Variants in UBAC1 observed in about 807,000 individuals in gnomAD.
UBAC1 encodes the protein UBA domain containing 1.
A neutral mutation model predicts 45.9 loss-of-function variants in UBAC1; 27 were observed. That is an observed-to-expected ratio of 0.59 (90% confidence interval 0.43 to 0.81). UBAC1 has a LOEUF of 0.81. Among genes scored for constraint, UBAC1 ranks in the 30% least tolerant of loss-of-function variants. UBAC1 has a pLI of 0.00. For synonymous variants in UBAC1, 227 were observed against 215.5 expected, an observed-to-expected ratio of 1.05 and a Z score of -0.47; for missense variants, 529 against 539.2, an observed-to-expected ratio of 0.98 and a Z score of 0.19.
In UBAC1 at chr9:135,945,057, T is replaced by C; in HGVS notation, c.847A>G (p.Arg283Gly). 6.2e-7 allele frequency: 1 copy of C among 1,613,914 alleles called. No homozygotes were observed. The highest frequency in any genetic ancestry group is 1.3e-5 in the African/African-American group (1 of 75,046). The change falls in exon 7 of 10, where the codon AGG (arginine) becomes GGG (glycine). Residue 283 changes from arginine to glycine, a missense_variant. Physicochemically the swap from Arg to Gly is moderately radical, Grantham distance 125. Transcript: ENST00000371756. ...ELTEIFKKIR[R>G]KREFRADARA... ...GCATCAGCCCGAAACTCCCTTTTCCTCCGGATCTTCTTGAAGATTTCCGTC... is the reference window on the plus strand; with the variant it reads ...GCATCAGCCCGAAACTCCCTTTTCCCCCGGATCTTCTTGAAGATTTCCGTC...
At chr9:135,950,362 C>T (rs990018921) in intron 3 of UBAC1, among the ~76,000 whole-genome samples, 2 of 152,190 alleles carry the variant, frequency 1.3e-5, no homozygotes, top group African/African-American at 2.4e-5. Flanking sequence ...TGGAAGGCAG[C>T]GACTCAGACA....
chr9:135,958,990 T>A (rs1404904774), intron 1 of UBAC1, among the ~76,000 whole-genome samples: 4 of 152,124 alleles, frequency 2.6e-5, no homozygotes, highest in African/African-American at 9.7e-5. Context: ...ATAATATATA[T>A]CAGGAGTATA....
chr9:135,957,508 G>GT (rs1564200071), intron 1 of UBAC1, among the ~76,000 whole-genome samples: 1 of 152,136 alleles, frequency 6.6e-6, no homozygotes, highest in Admixed American at 6.6e-5. Flanking sequence ...TAGGACGACC[G>GT]TGTCACTCTG....
intron 7 of UBAC1, chr9:135,942,223 G>A (rs560260950): frequency 2.0e-5 from 3 of 152,324 alleles, no homozygotes; most frequent in African/African-American, 7.2e-5. Context: ...CAGAGCACAA[G>A]GGACCCAGCT....
chr9:135,936,415 T>C (rs943330298), intron 9 of UBAC1, among the ~76,000 whole-genome samples: 1 of 151,940 alleles, frequency 6.6e-6, no homozygotes, highest in Non-Finnish European at 1.5e-5. Context: ...TGGACTTAAA[T>C]TAAGAGAAAC....
intron 9 of UBAC1, among the ~76,000 whole-genome samples, chr9:135,935,209 G>A (rs1055068652): frequency 7.2e-5 from 11 of 152,276 alleles, no homozygotes; most frequent in African/African-American, 1.9e-4. Flanking sequence ...AGGAAGGACT[G>A]TCTTCTGTAT....
chr9:135,946,024 G>C (rs779974201), intron 5 of UBAC1, 27 bp from the exon 6 acceptor site: 1 of 1,600,444 alleles, frequency 6.2e-7, no homozygotes, highest in East Asian at 2.2e-5. Context: ...GGGCCATGAG[G>C]GCTCCAGCCT....
At chr9:135,951,302 C>T (rs914739729) in intron 3 of UBAC1, among the ~76,000 whole-genome samples, 12 of 152,008 alleles carry the variant, frequency 7.9e-5, no homozygotes, top group African/African-American at 2.2e-4. Flanking sequence ...TAAAAACATA[C>T]GTCACTTTGA....
intron 1 of UBAC1, 21 bp downstream of exon 1, chr9:135,961,004 G>C: frequency 6.6e-7 from 1 of 1,524,748 alleles, no homozygotes; most frequent in Non-Finnish European, 8.8e-7. Context: ...GTTGGGGGCA[G>C]GGGAGGGGGC....
intron 9 of UBAC1, among the ~76,000 whole-genome samples, chr9:135,937,095 C>G (rs1839210260): frequency 6.6e-6 from 1 of 152,180 alleles, no homozygotes; most frequent in African/African-American, 2.4e-5. Flanking sequence ...CAGGGCACGG[C>G]CATCGCAGCT....
At chr9:135,949,691 C>T (rs1196508963) in intron 3 of UBAC1, among the ~76,000 whole-genome samples, 2 of 152,240 alleles carry the variant, frequency 1.3e-5, no homozygotes, top group African/African-American at 4.8e-5. Flanking sequence ...TCGAGAAGAA[C>T]AAGACACCTG....
chr9:135,944,055 A>G (rs1164033906), intron 7 of UBAC1, among the ~76,000 whole-genome samples: 9 of 152,250 alleles, frequency 5.9e-5, no homozygotes, highest in African/African-American at 2.2e-4. Context: ...CACGTGCAGC[A>G]AACCACCATG....
chr9:135,937,698 C>T (rs1839216295), intron 9 of UBAC1, among the ~76,000 whole-genome samples: 1 of 152,196 alleles, frequency 6.6e-6, no homozygotes, highest in Non-Finnish European at 1.5e-5. Flanking sequence ...ACGGCCACAC[C>T]GGAGGGAGGG....
intron 3 of UBAC1, among the ~76,000 whole-genome samples, chr9:135,949,473 A>G (rs1839379783): frequency 6.6e-6 from 1 of 152,244 alleles, no homozygotes; most frequent in Non-Finnish European, 1.5e-5. Context: ...ATATTCCAGA[A>G]CACTAAAGCA....
chr9:135,941,051 C>T (rs1230473685), intron 7 of UBAC1, among the ~76,000 whole-genome samples: 3 of 152,336 alleles, frequency 2.0e-5, no homozygotes, highest in Admixed American at 2.0e-4. Flanking sequence ...CAGAAAAAGA[C>T]TTCAGCTGGG....
At position 135,945,032 on chromosome 9, in the gene UBAC1, G is replaced by C; in HGVS notation, c.872C>G (p.Ala291Gly). The change falls in exon 7 of 10, where the codon GCT becomes GGT. Residue 291 changes from alanine to glycine, a missense_variant. By Grantham distance (60) the Ala-to-Gly change is moderately conservative (BLOSUM62 0). Transcript: ENST00000371756. ...IRRKREFRAD[A>G]RAVISLMEMG... ...GACAGGTCTAGTAACACATACCCGA[G>C]CATCAGCCCGAAACTCCCTTTTCCT... is the stretch of plus-strand genomic sequence containing the variant. 4 of 1,613,350 alleles carry C rather than the reference G, an allele frequency of 2.5e-6. No individual in the cohort carries two copies. Among genetic ancestry groups the C allele is most frequent in the South Asian group, 1.1e-5 (1 of 90,902 alleles).
Position 135,961,222 on chromosome 9 carries a change from G to A in UBAC1, c.-60C>T, listed in dbSNP as rs1009642940. ...CGGGCCCCTGAAGGTCACCGGGAAG[G>A]CGGGCGGGGAGGGGGCGGGGCCAGA... On this transcript the variant is annotated 5_prime_UTR_variant, in exon 1 of 10. Coordinates refer to ENST00000371756, the MANE Select transcript of UBAC1 (RefSeq NM_016172.3). The A allele has an allele frequency of 5.6e-6, 8 of 1,427,672 alleles. No homozygotes were observed. In the Admixed American group the frequency reaches 1.3e-4, roughly 24 times the overall value. 88.4% of individuals were successfully genotyped at this position (1,427,672 alleles called of 1,614,324 possible).
intron 7 of UBAC1, among the ~76,000 whole-genome samples, chr9:135,944,432 T>C (rs918033163): frequency 6.6e-6 from 1 of 152,314 alleles, no homozygotes; most frequent in African/African-American, 2.4e-5. Flanking sequence ...CATCTGAGCA[T>C]GTCGGAGACA....
At chr9:135,954,701 A>G (rs1387496782) in intron 2 of UBAC1, among the ~76,000 whole-genome samples, 2 of 152,102 alleles carry the variant, frequency 1.3e-5, no homozygotes, top group African/African-American at 4.8e-5. Context: ...TTTAGTCTTA[A>G]CCCTCAGAGG....
Sources: allele counts gnomAD v4.1 joint callset (sites outside exome capture counted in the v4.1 genomes callset), GRCh38; gene constraint gnomAD v4.1.1; transcripts MANE v1.5; gene names NCBI Gene and HGNC (gene_info 2026-07-23, HGNC 2026-07-21).